The following PKHD1L1 variants were observed in gnomAD, a reference collection of about 807,000 sequenced individuals.
PKHD1L1 encodes the protein fibrocystin-L.
PKHD1L1 carries 434 observed loss-of-function variants against 462.9 expected under a neutral mutation model. The observed-to-expected ratio is 0.94, with a 90% CI of 0.87 to 1.02. The LOEUF is 1.02. Among genes scored for constraint, PKHD1L1 ranks in the 50% least tolerant of loss-of-function variants. PKHD1L1 has a pLI of 0.00. For missense variants in PKHD1L1, 5,202 were observed against 5,096.1 expected (o/e 1.02, Z -0.63); for synonymous variants, 1,781 against 1,750.0 (o/e 1.02, Z -0.44).
chr8:109,399,856 T>C (rs1210919412), intron 12 of PKHD1L1, among the ~76,000 whole-genome samples: 1 of 152,168 alleles, frequency 6.6e-6, no homozygotes, highest in African/African-American at 2.4e-5. Flanking sequence ...ATTTTACATA[T>C]GTGGAAACTG....
At chr8:109,456,129 A>T in intron 45 of PKHD1L1, 133 bp from the exon 46 acceptor site, 1 of 875,212 alleles carries the variant, frequency 1.1e-6, no homozygotes, top group Non-Finnish European at 1.7e-6. Flanking sequence ...TTTTTGGAGA[A>T]ATGTGTGAAA....
intron 70 of PKHD1L1, 95 bp downstream of exon 70, chr8:109,508,359 T>A: frequency 7.7e-7 from 1 of 1,297,134 alleles, no homozygotes; most frequent in Non-Finnish European, 1.1e-6. Context: ...CCCACACAAC[T>A]AGCAAACATC....
At chr8:109,508,696 G>C (rs1819824731) in intron 70 of PKHD1L1, among the ~76,000 whole-genome samples, 1 of 152,122 alleles carries the variant, frequency 6.6e-6, no homozygotes, top group Non-Finnish European at 1.5e-5. Flanking sequence ...TTCTCAGCCT[G>C]CTCATGTTTT....
intron 20 of PKHD1L1, among the ~76,000 whole-genome samples, chr8:109,413,068 T>C (rs973794177): frequency 1.3e-5 from 2 of 152,164 alleles, no homozygotes; most frequent in Non-Finnish European, 2.9e-5. Context: ...TGTTTACCTC[T>C]CTTCTTTTCT....
At chr8:109,376,268 G>A (rs1291212849) in intron 2 of PKHD1L1, among the ~76,000 whole-genome samples, 1 of 152,150 alleles carries the variant, frequency 6.6e-6, no homozygotes, top group Non-Finnish European at 1.5e-5. Context: ...CTAGCAATGA[G>A]CAAGGCTCAG....
Position 109,400,269 on chromosome 8 carries a change from T to A in PKHD1L1, c.1206T>A (p.Asp402Glu). ...GATTTTTGGTGGCTCCAGATTCTGA[T>A]GTTTATAGATTCTACATCAAGGGTG... ...FSGFLVAPDSDVYRFYIKGDD... is the reference protein window; with the variant it reads ...FSGFLVAPDSEVYRFYIKGDD... Residue 402 changes from aspartate (D) to glutamate (E), a missense_variant, in exon 13 of 78, where the codon GAT becomes GAA. Physicochemically the swap from Asp to Glu is conservative, Grantham distance 45. Transcript: ENST00000378402. 6.2e-7 allele frequency: 1 copy of A among 1,613,678 alleles called. No individual in the cohort carries two copies. Among genetic ancestry groups the A allele is most frequent in the South Asian group, 1.1e-5 (1 of 91,078 alleles).
intron 50 of PKHD1L1, chr8:109,470,580 T>C: frequency 6.3e-7 from 1 of 1,592,322 alleles, no homozygotes; most frequent in Non-Finnish European, 8.6e-7. Context: ...GTTCCCAGCA[T>C]GAGCCTACTG....
intron 49 of PKHD1L1, 61 bp from the exon 50 acceptor site, chr8:109,466,517 A>G (rs1817446721): frequency 6.9e-7 from 1 of 1,449,382 alleles, no homozygotes; most frequent in Non-Finnish European, 9.3e-7. Flanking sequence ...TGTATATTGT[A>G]GACCTTTTTT....
intron 6 of PKHD1L1, 73 bp from the exon 7 acceptor site, chr8:109,388,424 G>T (rs1812542780): frequency 3.8e-6 from 4 of 1,065,986 alleles, no homozygotes; most frequent in South Asian, 2.8e-5. Context: ...CCAGTGAGTT[G>T]ATGGGAGGAG....
chr8:109,502,731 A>C (rs916940759), intron 67 of PKHD1L1, among the ~76,000 whole-genome samples: 2 of 152,224 alleles, frequency 1.3e-5, no homozygotes, highest in Non-Finnish European at 2.9e-5. Context: ...GGCTTATTGA[A>C]GGTATGCTCT....
chr8:109,380,826 G>A (rs1440992095), intron 2 of PKHD1L1, among the ~76,000 whole-genome samples: 4 of 152,070 alleles, frequency 2.6e-5, no homozygotes, highest in African/African-American at 4.8e-5. Context: ...ATTTTGCTTT[G>A]TAGAAACTTG....
At chr8:109,508,337 T>A in intron 70 of PKHD1L1, 73 bp downstream of exon 70, 1 of 1,428,172 alleles carries the variant, frequency 7.0e-7, no homozygotes, top group South Asian at 1.4e-5. Flanking sequence ...AGCCATCTCA[T>A]AAATTATTTA....
chr8:109,395,993 T>C (rs1199486132), intron 10 of PKHD1L1, 34 bp from the exon 11 acceptor site: 31 of 1,419,630 alleles, frequency 2.2e-5, no homozygotes, highest in Non-Finnish European at 2.9e-5. Flanking sequence ...TGTGTAATAT[T>C]TATGATATTT....
intron 55 of PKHD1L1, among the ~76,000 whole-genome samples, 188 bp from the exon 56 acceptor site, chr8:109,481,245 T>TG (rs916940242): frequency 6.6e-6 from 1 of 151,956 alleles, no homozygotes; most frequent in African/African-American, 2.4e-5. Flanking sequence ...ATTTGACCTT[T>TG]GAAAAATCAT....
chr8:109,470,413 A>C, intron 50 of PKHD1L1: 2 of 1,597,730 alleles, frequency 1.3e-6, no homozygotes, highest in Non-Finnish European at 1.7e-6. Flanking sequence ...AAGCAAAGAA[A>C]AAACTGATAA....
rs762265990 is a variant in PKHD1L1, at chr8:109,454,712, A to G, written c.6745-11A>G. On this transcript the variant is annotated splice_polypyrimidine_tract_variant and intron_variant, in intron 44 of 77. Coordinates refer to ENST00000378402, the MANE Select transcript of PKHD1L1 (RefSeq NM_177531.6). ...TAATTTTCTGAATGGCATTTGTGACATCTTTTGCAGATTGGAACAGAGACA... is the reference window on the plus strand; with the variant it reads ...TAATTTTCTGAATGGCATTTGTGACGTCTTTTGCAGATTGGAACAGAGACA... 1 of 1,612,216 alleles carries G rather than the reference A, an allele frequency of 6.2e-7. No individual in the cohort carries two copies. Among genetic ancestry groups the G allele is most frequent in the South Asian group, 1.1e-5 (1 of 90,916 alleles).
intron 65 of PKHD1L1, 22 bp downstream of exon 65, chr8:109,497,294 A>G (rs1819145372): frequency 6.2e-7 from 1 of 1,603,912 alleles, no homozygotes. Context: ...ATACAGCCAC[A>G]CCATGGAGAA....
intron 11 of PKHD1L1, among the ~76,000 whole-genome samples, chr8:109,398,108 G>T (rs746153248): frequency 6.6e-6 from 1 of 151,682 alleles, no homozygotes; most frequent in African/African-American, 2.4e-5. Context: ...GAATGACATG[G>T]GTTTATTCAG....
At chr8:109,507,195 A>G (rs1385641522) in intron 68 of PKHD1L1, among the ~76,000 whole-genome samples, 2 of 152,148 alleles carry the variant, frequency 1.3e-5, no homozygotes, top group African/African-American at 4.8e-5. Context: ...AAATCTTTAT[A>G]TTATTTTATA....
Sources: gnomAD v4.1 joint callset for allele counts (sites outside exome capture counted in the v4.1 genomes callset) on GRCh38, gnomAD v4.1.1 for gene constraint, MANE v1.5 for transcripts, NCBI Gene and HGNC (gene_info 2026-07-23, HGNC 2026-07-21) for gene names.